The following ARHGAP21 variants were observed in gnomAD, a reference collection of about 807,000 sequenced individuals.
ARHGAP21 encodes the protein Rho GTPase activating protein 21.
A neutral mutation model predicts 164.6 loss-of-function variants in ARHGAP21; 38 were observed. The observed-to-expected ratio is 0.23, with a 90% CI of 0.18 to 0.30. The LOEUF (loss-of-function observed/expected upper bound fraction) is 0.30. Ranked by LOEUF, ARHGAP21 falls within the 10% of genes least tolerant of loss-of-function variation. The pLI, the probability that ARHGAP21 is intolerant of heterozygous loss-of-function variation, is 1.00. For synonymous variants in ARHGAP21, 766 were observed against 857.9 expected, an observed-to-expected ratio of 0.89 and a Z score of 1.87; for missense variants, 1,822 against 2,370.7, an observed-to-expected ratio of 0.77 and a Z score of 4.81.
At chr10:24,655,463 T>C (rs1838716580) in intron 4 of ARHGAP21, among the ~76,000 whole-genome samples, 1 of 152,114 alleles carries the variant, frequency 6.6e-6, no homozygotes, top group African/African-American at 2.4e-5. Context: ...GGGCAAAAGA[T>C]ATGAACAGAC....
chr10:24,649,184 AT>A (rs1402636795), intron 4 of ARHGAP21, among the ~76,000 whole-genome samples: 7 of 152,228 alleles, frequency 4.6e-5, no homozygotes, highest in African/African-American at 1.7e-4. Context: ...CTAATGACTT[AT>A]CCATGTACTA....
intron 4 of ARHGAP21, among the ~76,000 whole-genome samples, chr10:24,646,438 G>T (rs2131496350): frequency 6.6e-6 from 1 of 152,212 alleles, no homozygotes; most frequent in Admixed American, 6.5e-5. Context: ...CCTAGTACAA[G>T]ACCAGCCTAG....
intron 21 of ARHGAP21, among the ~76,000 whole-genome samples, chr10:24,593,989 T>TAATC (rs1360261979): frequency 1.3e-5 from 2 of 152,144 alleles, no homozygotes; most frequent in Non-Finnish European, 2.9e-5. Context: ...ACTCTTCTCA[T>TAATC]AATCAATCCT....
intron 24 of ARHGAP21, chr10:24,590,068 A>G (rs1413856451): frequency 4.7e-5 from 32 of 675,310 alleles, no homozygotes; most frequent in Middle Eastern, 5.6e-4. Flanking sequence ...AGCAATATTC[A>G]GGATAATACC....
intron 5 of ARHGAP21, 73 bp downstream of exon 5, chr10:24,634,938 T>C: frequency 1.7e-6 from 2 of 1,163,936 alleles, no homozygotes; most frequent in South Asian, 1.9e-5. Flanking sequence ...GGAAAAAATA[T>C]CGAACATGAA....
At chr10:24,596,498 A>G in intron 17 of ARHGAP21, 2 of 563,260 alleles carry the variant, frequency 3.6e-6, no homozygotes, top group Non-Finnish European at 3.0e-6. Context: ...CACGATTTGA[A>G]GACGAATTCT....
chr10:24,602,631 C>T (rs913869193), intron 12 of ARHGAP21, among the ~76,000 whole-genome samples: 1 of 152,112 alleles, frequency 6.6e-6, no homozygotes, highest in African/African-American at 2.4e-5. Context: ...AATTCTAGGT[C>T]ATTAAGGGTC....
At chr10:24,597,402 A>AT in intron 16 of ARHGAP21, 45 bp downstream of exon 16, 2 of 1,592,884 alleles carry the variant, frequency 1.3e-6, no homozygotes, top group Non-Finnish European at 1.7e-6. Flanking sequence ...AACGATGCCA[A>AT]TTTTAAATCA....
Position 24,597,928 on chromosome 10 carries a change from C to G in ARHGAP21, c.3197+17G>C, listed in dbSNP as rs1299552402. On this transcript the variant is annotated intron_variant, in intron 15 of 25. Coordinates refer to ENST00000396432, the MANE Select transcript of ARHGAP21 (RefSeq NM_020824.4). ...ATTTTATATCCAAATTAACTGCAGG[C>G]AAGGTGGGATTCTCACCTCATCAGA... 4 of 1,607,898 alleles carry G rather than the reference C, an allele frequency of 2.5e-6. No individual in the cohort carries two copies. The highest frequency in any genetic ancestry group is 3.4e-6 in the Non-Finnish European group (4 of 1,176,142).
Position 24,622,724 on chromosome 10 carries a change from A to G in ARHGAP21, c.525+9T>C. 1 of 1,609,628 alleles carries G rather than the reference A, an allele frequency of 6.2e-7. No individual in the cohort carries two copies. The highest frequency in any genetic ancestry group is 1.7e-5 in the Admixed American group (1 of 58,802). The stretch of plus-strand genomic sequence containing the variant: ...AAAAGCAAGGAAATGGCTACTGTGC[A>G]TTTCTTACCAGTGCTGTGACATCCT... On this transcript the variant is annotated intron_variant, in intron 8 of 25. Coordinates refer to ENST00000396432, the MANE Select transcript of ARHGAP21 (RefSeq NM_020824.4).
chr10:24,599,742 T>G (rs2076733175), intron 14 of ARHGAP21, among the ~76,000 whole-genome samples: 1 of 152,202 alleles, frequency 6.6e-6, no homozygotes, highest in Admixed American at 6.5e-5. Flanking sequence ...TTATACATAC[T>G]TTAAAAACTA....
chr10:24,721,533 T>C (rs746087508), intron 2 of ARHGAP21, among the ~76,000 whole-genome samples: 23 of 152,234 alleles, frequency 1.5e-4, no homozygotes, highest in Admixed American at 9.2e-4. Context: ...GAGGTGCCCA[T>C]TCTCAGGCTT....
chr10:24,706,935 A>C (rs1406905349), intron 2 of ARHGAP21, among the ~76,000 whole-genome samples: 1 of 152,220 alleles, frequency 6.6e-6, no homozygotes, highest in Non-Finnish European at 1.5e-5. Flanking sequence ...TATATAAATC[A>C]ATCAACTATG....
At chr10:24,648,985 C>T (rs1292597571) in intron 4 of ARHGAP21, 1 of 424,670 alleles carries the variant, frequency 2.4e-6, no homozygotes, top group East Asian at 1.6e-4. Flanking sequence ...TTACTAGCTA[C>T]ATATAGAATC....
At position 24,584,240 on chromosome 10, in the gene ARHGAP21, A is replaced by G. The variant is rs201287969; in HGVS notation, c.*172T>C. On this transcript the variant is annotated 3_prime_UTR_variant, in exon 26 of 26. Coordinates refer to ENST00000396432, the MANE Select transcript of ARHGAP21 (RefSeq NM_020824.4). ...TTTTTAAATATATATATATATATAT[A>G]TGTTCTTCTGGCTGTAGTAATGCAC... The G allele has an allele frequency of 1.1e-3, 473 of 438,042 alleles. 2 individuals are homozygous for G. Among genetic ancestry groups the G allele is most frequent in the African/African-American group, 9.5e-3 (436 of 45,998 alleles). The allele number at this position is 438,042 out of a possible 1,614,324, so 27.1% of individuals were successfully genotyped here.
At chr10:24,613,331 T>C (rs2077347169) in intron 9 of ARHGAP21, among the ~76,000 whole-genome samples, 3 of 152,202 alleles carry the variant, frequency 2.0e-5, no homozygotes. Context: ...AATAAAAATT[T>C]TGAAGCAATA....
intron 2 of ARHGAP21, among the ~76,000 whole-genome samples, chr10:24,676,520 A>C (rs750176144): frequency 3.3e-5 from 5 of 152,206 alleles, no homozygotes; most frequent in Admixed American, 1.3e-4. Context: ...AAAAATAGAT[A>C]CTGGAGACTC....
At chr10:24,655,773 G>A (rs1170872249) in intron 4 of ARHGAP21, among the ~76,000 whole-genome samples, 5 of 136,248 alleles carry the variant, frequency 3.7e-5, no homozygotes, top group East Asian at 4.3e-4. Flanking sequence ...AGTGAGGAGC[G>A]CCTCTTCCCA....
At chr10:24,689,665 C>T (rs775021624) in intron 2 of ARHGAP21, among the ~76,000 whole-genome samples, 6 of 151,918 alleles carry the variant, frequency 3.9e-5, no homozygotes, top group Admixed American at 6.6e-5. Context: ...CATCTGAGCC[C>T]GGAAGGTTGA....
Sources: allele counts gnomAD v4.1 joint callset (sites outside exome capture counted in the v4.1 genomes callset), GRCh38; gene constraint gnomAD v4.1.1; transcripts MANE v1.5; gene names NCBI Gene and HGNC (gene_info 2026-07-23, HGNC 2026-07-21).